ATXN7L1: variants seen among roughly 807,000 people sequenced by gnomAD.
The protein encoded by ATXN7L1 is ataxin 7 like 1, also known as ataxin-7-like protein 1.
ATXN7L1 carries 15 observed loss-of-function variants against 70.8 expected under a neutral mutation model. The ratio of observed to expected loss-of-function variants is 0.21; its 90% CI spans 0.14 to 0.33. The LOEUF (loss-of-function observed/expected upper bound fraction) is 0.33, where lower values mean the gene tolerates loss of function less well. ATXN7L1 is among the 10% of genes least tolerant of loss of function. The probability of loss-of-function intolerance (pLI) is 1.00; values close to 1 mark genes in which losing one functional copy is unlikely to be tolerated. For synonymous variants in ATXN7L1, 440 were observed against 445.1 expected, an observed-to-expected ratio of 0.99 and a Z score of 0.14; for missense variants, 975 against 1,097.1, an observed-to-expected ratio of 0.89 and a Z score of 1.57.
At chr7:105,683,418 G>T (rs1002479085) in intron 3 of ATXN7L1, among the ~76,000 whole-genome samples, 2 of 152,150 alleles carry the variant, frequency 1.3e-5, no homozygotes, top group African/African-American at 4.8e-5. Flanking sequence ...AGTGGGTCAT[G>T]CCTATAACCC....
rs755233200 is a variant in ATXN7L1 at position 105,876,550 on chromosome 7, C to G, written c.9G>C (p.Ser3=). 6.4e-7 allele frequency: 1 copy of G among 1,565,926 alleles called. No individual in the cohort carries two copies. Among genetic ancestry groups the G allele is most frequent in the South Asian group, 1.1e-5 (1 of 90,074 alleles). MT[S]ERSRIPCLSA... ...AGAGACACGGGATTCGAGAACGCTCCGACGTCATCTTCGGAACGTTCCGAC... is the reference window on the plus strand; with the variant it reads ...AGAGACACGGGATTCGAGAACGCTCGGACGTCATCTTCGGAACGTTCCGAC... The change falls in exon 1 of 12, where the codon TCG becomes TCC. Residue 3 remains serine (S), a synonymous_variant. Transcript: ENST00000419735.
chr7:105,863,789 T>C (rs911706031), intron 2 of ATXN7L1, among the ~76,000 whole-genome samples: 3 of 152,184 alleles, frequency 2.0e-5, no homozygotes, highest in African/African-American at 7.2e-5. Context: ...AATGCGAACA[T>C]GCACATTTAG....
chr7:105,654,951 C>T (rs1223574853), intron 4 of ATXN7L1, among the ~76,000 whole-genome samples: 2 of 150,778 alleles, frequency 1.3e-5, no homozygotes, highest in African/African-American at 4.9e-5. Context: ...CAGGGTTTCA[C>T]CACATTAGTC....
chr7:105,734,551 C>T (rs906265033), intron 3 of ATXN7L1, among the ~76,000 whole-genome samples: 1 of 152,110 alleles, frequency 6.6e-6, no homozygotes, highest in African/African-American at 2.4e-5. Context: ...AAGCGTGCAC[C>T]AGCTCTTCCC....
chr7:105,734,353 C>A (rs1467469417), intron 3 of ATXN7L1, among the ~76,000 whole-genome samples: 1 of 152,246 alleles, frequency 6.6e-6, no homozygotes, highest in Non-Finnish European at 1.5e-5. Flanking sequence ...CAACTACAGT[C>A]CTTTCCTCAG....
intron 2 of ATXN7L1, among the ~76,000 whole-genome samples, chr7:105,848,355 C>T (rs1814373946): frequency 1.3e-5 from 2 of 152,138 alleles, no homozygotes; most frequent in African/African-American, 2.4e-5. Context: ...AAAAACAGCA[C>T]ACTCTTAGAC....
At chr7:105,642,265 C>T (rs1798380113) in intron 5 of ATXN7L1, among the ~76,000 whole-genome samples, 1 of 152,214 alleles carries the variant, frequency 6.6e-6, no homozygotes, top group Non-Finnish European at 1.5e-5. Flanking sequence ...ACCCTATCGG[C>T]ACTGCCAGCC....
At chr7:105,838,962 C>T (rs147205551) in intron 2 of ATXN7L1, among the ~76,000 whole-genome samples, 1 of 152,320 alleles carries the variant, frequency 6.6e-6, no homozygotes, top group East Asian at 1.9e-4. Context: ...CACGAAGCAT[C>T]ATCTCTGCTT....
chr7:105,672,084 G>A (rs506381), intron 3 of ATXN7L1, among the ~76,000 whole-genome samples: 13,334 of 151,880 alleles, frequency 0.088, 737 homozygotes, highest in East Asian at 0.23. Context: ...TCAGGAGTTC[G>A]AGACTAGCCT....
At chr7:105,685,735 C>T (rs532689124) in intron 3 of ATXN7L1, among the ~76,000 whole-genome samples, 3 of 152,160 alleles carry the variant, frequency 2.0e-5, no homozygotes, top group African/African-American at 7.2e-5. Context: ...CGGCTTGACC[C>T]CAGTCAATCC....
chr7:105,765,239 CAGG>C (rs1801090985), intron 3 of ATXN7L1, among the ~76,000 whole-genome samples: 1 of 151,260 alleles, frequency 6.6e-6, no homozygotes, highest in Middle Eastern at 3.4e-3. Context: ...GAGGCTGAGG[CAGG>C]AGAATTGCTT....
chr7:105,722,748 G>C (rs1256630488), intron 3 of ATXN7L1, among the ~76,000 whole-genome samples: 1 of 151,622 alleles, frequency 6.6e-6, no homozygotes, highest in Non-Finnish European at 1.5e-5. Flanking sequence ...AGCTGGGCGT[G>C]GTGGCATGTG....
At chr7:105,830,065 C>T (rs1811392002) in intron 2 of ATXN7L1, among the ~76,000 whole-genome samples, 2 of 152,142 alleles carry the variant, frequency 1.3e-5, no homozygotes, top group Non-Finnish European at 2.9e-5. Flanking sequence ...CCCCATCCCC[C>T]GACAGCCCCA....
intron 7 of ATXN7L1, 66 bp downstream of exon 7, chr7:105,638,287 C>T (rs1584448668): frequency 1.3e-6 from 2 of 1,490,582 alleles, no homozygotes; most frequent in Non-Finnish European, 1.8e-6. Flanking sequence ...GACCACATGC[C>T]ACAGACCCAG....
intron 2 of ATXN7L1, among the ~76,000 whole-genome samples, chr7:105,841,036 G>A (rs918729978): frequency 6.6e-6 from 1 of 152,232 alleles, no homozygotes; most frequent in Admixed American, 6.5e-5. Flanking sequence ...GGGCAGATGA[G>A]CTCCAGGTGT....
intron 4 of ATXN7L1, among the ~76,000 whole-genome samples, chr7:105,653,116 A>G (rs1418338550): frequency 6.6e-6 from 1 of 152,222 alleles, no homozygotes; most frequent in Non-Finnish European, 1.5e-5. Flanking sequence ...AACTCAGGAT[A>G]TTCTTTGTTC....
At chr7:105,731,681 C>T (rs1035783900) in intron 3 of ATXN7L1, among the ~76,000 whole-genome samples, 11 of 149,820 alleles carry the variant, frequency 7.3e-5, no homozygotes, top group East Asian at 2.0e-4. Context: ...GTGATCTGCC[C>T]GCCTCCACCT....
At chr7:105,794,708 G>T (rs1805740013) in intron 2 of ATXN7L1, among the ~76,000 whole-genome samples, 1 of 151,936 alleles carries the variant, frequency 6.6e-6, no homozygotes, top group African/African-American at 2.4e-5. Context: ...ACAGAGCCAG[G>T]TAAACAAGTT....
intron 2 of ATXN7L1, among the ~76,000 whole-genome samples, chr7:105,833,398 C>T (rs1242971135): frequency 1.3e-5 from 2 of 152,194 alleles, no homozygotes; most frequent in Non-Finnish European, 2.9e-5. Flanking sequence ...AGGGCAGAGC[C>T]TGGCACACGC....
Sources: allele counts gnomAD v4.1 joint callset (sites outside exome capture counted in the v4.1 genomes callset), GRCh38; gene constraint gnomAD v4.1.1; transcripts MANE v1.5; gene names NCBI Gene and HGNC (gene_info 2026-07-23, HGNC 2026-07-21).